DNHD1: variants seen among roughly 807,000 people sequenced by gnomAD.
DNHD1 encodes the protein dynein heavy chain domain-containing protein 1.
A neutral mutation model predicts 458.1 loss-of-function variants in DNHD1; 383 were observed. That is an observed-to-expected ratio of 0.84 (90% CI 0.77 to 0.91). The LOEUF is 0.91. DNHD1 is among the 40% of genes least tolerant of loss of function. The probability of loss-of-function intolerance (pLI) is 0.00; values close to 1 mark genes in which losing one functional copy is unlikely to be tolerated. For synonymous variants in DNHD1, 2,203 were observed against 2,376.9 expected (o/e 0.93, Z 2.13); for missense variants, 5,336 against 5,866.1 (o/e 0.91, Z 2.95).
At position 6,570,327 on chromosome 11, in the gene DNHD1, C is replaced by T; in HGVS notation, c.13036C>T (p.Pro4346Ser). ...TAGCCTCACACAAGCCTGCCTGAGC[C>T]CCAGTAGTGGGAGCTGGGTCCAGCC... ...LISLTQACLS[P>S]SSGSWVQPHT... The change falls in exon 41 of 43, where the codon CCC becomes TCC. Residue 4346 changes from proline (P) to serine (S), a missense_variant. Around this residue, in one of 4 missense-constraint regions of DNHD1, gnomAD observed 698 missense variants for 664.9 expected, o/e 1.05. Transcript: ENST00000254579. 1 of 1,613,076 alleles carries T rather than the reference C, an allele frequency of 6.2e-7. No homozygotes were observed. The highest frequency in any genetic ancestry group is 8.5e-7 in the Non-Finnish European group (1 of 1,179,544).
chr11:6,563,864 C>T lies in DNHD1; in HGVS notation c.10024C>T (p.Arg3342Trp), dbSNP rs769777880. The T allele has an allele frequency of 9.0e-6, 14 of 1,551,700 alleles. No homozygotes were observed. The East Asian group carries it at 1.7e-4, about 19-fold the overall frequency. ...AVLHYGLAHC[R>W]GLPTDLLLQQ... ...TCTGCACTATGGGCTGGCGCATTGC[C>T]GGGGACTGCCCACGGACCTGCTGCT... The change falls in exon 31 of 43, where the codon CGG becomes TGG. Residue 3342 changes from arginine to tryptophan, a missense_variant. By Grantham distance (101) the Arg-to-Trp change is moderately radical. This residue lies in a region of DNHD1 where 3,932 missense variants were observed against 4,365.6 expected (regional missense o/e 0.90). Transcript: ENST00000254579.
Position 6,571,306 on chromosome 11 carries a change from G to T in DNHD1, c.13794G>T (p.Gly4598=), listed in dbSNP as rs890278477. ...GCCGCCTGCTGCTGGCATTGCGTGG[G>T]GAAGCTGCCCTGGACCAGAATGTGC... ...HPRRLLLALR[G]EAALDQNVPS... The change falls in exon 42 of 43, where the codon GGG becomes GGT. Residue 4598 remains glycine, a synonymous_variant. Coordinates refer to ENST00000254579, the MANE Select transcript of DNHD1 (RefSeq NM_144666.3). This position sits in a 1 kb window ranked among gnomAD's most constrained non-coding sequence, Gnocchi z 5.0. 2.5e-6 allele frequency: 4 copies of T among 1,612,218 alleles called. No homozygotes were observed. The highest frequency in any genetic ancestry group is 3.4e-6 in the Non-Finnish European group (4 of 1,179,596).
In DNHD1 at chr11:6,548,132, T is replaced by TG; in HGVS notation, c.6906-76dup. 1.3e-6 allele frequency: 2 copies of TG among 1,543,952 alleles called. No individual in the cohort carries two copies. The highest frequency in any genetic ancestry group is 1.7e-4 in the Middle Eastern group (1 of 5,980). On this transcript the variant is annotated intron_variant, in intron 22 of 42. Coordinates refer to ENST00000254579, the MANE Select transcript of DNHD1 (RefSeq NM_144666.3). This position sits in a 1 kb window ranked among gnomAD's most constrained non-coding sequence, Gnocchi z 4.4. ...CCCACATGACATCACTGTTAGGGTA[T>TG]GGTGGAGTGTGTGAGTGTGTCATAA...
chr11:6,562,490 A>C (rs1853606068), intron 28 of DNHD1, among the ~76,000 whole-genome samples: 1 of 152,156 alleles, frequency 6.6e-6, no homozygotes, highest in South Asian at 2.1e-4. Context: ...TAGGGAGGGC[A>C]TTTAGAAGTG....
At chr11:6,549,021 T>C in intron 24 of DNHD1, 88 bp downstream of exon 24, 1 of 1,379,776 alleles carries the variant, frequency 7.2e-7, no homozygotes, top group Non-Finnish European at 9.9e-7. Context: ...CTCTCAAATA[T>C]ATGTCTGTAG....
chr11:6,514,513 C>T lies in DNHD1; in HGVS notation c.1392+3084C>T, dbSNP rs565332719. On this transcript the variant is annotated intron_variant, in intron 7 of 42. Coordinates refer to ENST00000254579, the MANE Select transcript of DNHD1 (RefSeq NM_144666.3). ...CTTTCCTTTCTCCCTCCTTCCCTCC[C>T]TTCTTTCCTCCCTTCCTCCCTTTTT... Among the ~76,000 whole-genome samples the T allele has an allele frequency of 9.3e-5, 14 of 150,284 alleles. No homozygotes were observed. In the South Asian group the frequency reaches 2.1e-3, roughly 23 times the overall value.
Position 6,566,929 on chromosome 11 carries a change from C to G in DNHD1, c.11420C>G (p.Pro3807Arg), listed in dbSNP as rs76457785. The change falls in exon 36 of 43, where the codon CCG becomes CGG. Residue 3807 changes from proline to arginine, a missense_variant. Pro to Arg is a moderately radical substitution (Grantham distance 103). This residue lies in a region of DNHD1 where 695 missense variants were observed against 804.2 expected (regional missense o/e 0.86). Coordinates refer to ENST00000254579, the MANE Select transcript of DNHD1 (RefSeq NM_144666.3). Reference protein sequence around the residue: ...RLLTMLLFQNPKRQKPAKFLR... With the variant: ...RLLTMLLFQNRKRQKPAKFLR... ...CTGACGATGCTGCTGTTCCAGAATCCGAAGCGTCAGAAGCCAGCCAAGTTT... is the reference window on the plus strand; with the variant it reads ...CTGACGATGCTGCTGTTCCAGAATCGGAAGCGTCAGAAGCCAGCCAAGTTT... 8 of 1,613,526 alleles carry G rather than the reference C, an allele frequency of 5.0e-6. No individual in the cohort carries two copies. The South Asian group carries it at 6.6e-5, about 13-fold the overall frequency.
In DNHD1 at chr11:6,501,075, T is replaced by G. The variant is rs371690013; in HGVS notation, c.747-1678T>G. On this transcript the variant is annotated intron_variant, in intron 3 of 42. Transcript: ENST00000254579. ...AAGGAGGAGGGAGCAGTCAGTAGTA[T>G]TACATGTTAAATGAGACAAGTAAGA... 6.8e-4 allele frequency among the ~76,000 whole-genome samples: 103 copies of G among 152,244 alleles called. 4 individuals are homozygous for G. The South Asian group carries it at 0.021, about 31-fold the overall frequency.
chr11:6,538,981 ACTTCC>A (rs1853030511), intron 16 of DNHD1, among the ~76,000 whole-genome samples, 171 bp downstream of exon 16: 1 of 152,108 alleles, frequency 6.6e-6, no homozygotes, highest in Admixed American at 6.5e-5. Flanking sequence ...AAAATTTTTA[ACTTCC>A]CTTACTACCT....
At chr11:6,534,548 A>G (rs1312869624) in intron 14 of DNHD1, among the ~76,000 whole-genome samples, 1 of 152,112 alleles carries the variant, frequency 6.6e-6, no homozygotes, top group Admixed American at 6.5e-5. Context: ...GCAGGCCCCG[A>G]ACAAGAGTAG....
rs1180248673 is a variant in DNHD1, at chr11:6,557,639, C to T, written c.8344C>T (p.Gln2782Ter). The T allele has an allele frequency of 6.4e-7, 1 of 1,551,746 alleles. No individual in the cohort carries two copies. The highest frequency in any genetic ancestry group is 1.2e-5 in the South Asian group (1 of 84,060). ...KGTRASNYRLQVRRSFKTWWQ... is the reference protein window; with the variant it reads ...KGTRASNYRL ...CACAAGGGCATCCAACTATAGGCTC[C>T]AGGTAAGGAGATCATTCAAGACTTG... Residue 2782 changes from glutamine (Q) to a stop codon, truncating the protein, a stop_gained, in exon 25 of 43, where the codon CAG becomes TAG. Coordinates refer to ENST00000254579, the MANE Select transcript of DNHD1 (RefSeq NM_144666.3). LOFTEE classifies it high-confidence loss of function.
rs1853635929 is a variant in DNHD1 at position 6,563,867 on chromosome 11, G to A, written c.10027G>A (p.Gly3343Arg). Residue 3343 changes from glycine (G) to arginine (R), a missense_variant, in exon 31 of 43, where the codon GGA becomes AGA. Coordinates refer to ENST00000254579, the MANE Select transcript of DNHD1 (RefSeq NM_144666.3). Reference protein sequence around the residue: ...VLHYGLAHCRGLPTDLLLQQV... With the variant: ...VLHYGLAHCRRLPTDLLLQQV... ...GCACTATGGGCTGGCGCATTGCCGGGGACTGCCCACGGACCTGCTGCTGCA... is the reference window on the plus strand; with the variant it reads ...GCACTATGGGCTGGCGCATTGCCGGAGACTGCCCACGGACCTGCTGCTGCA... The A allele has an allele frequency of 1.9e-6, 3 of 1,551,700 alleles. No homozygotes were observed. The highest frequency in any genetic ancestry group is 1.4e-5 in the African/African-American group (1 of 73,194).
chr11:6,567,079 G>A lies in DNHD1; in HGVS notation c.11570G>A (p.Gly3857Glu), dbSNP rs1374241412. Residue 3857 changes from glycine (G) to glutamate (E), a missense_variant, in exon 36 of 43, where the codon GGA becomes GAA. Coordinates refer to ENST00000254579, the MANE Select transcript of DNHD1 (RefSeq NM_144666.3). Reference protein sequence around the residue: ...WAPYRPVVWHGMAMVKALSQL... With the variant: ...WAPYRPVVWHEMAMVKALSQL... ...CCCTATCGACCTGTGGTTTGGCATG[G>A]AATGGCCATGGTAAAGGCCCTAAGC... The A allele has an allele frequency of 1.2e-6, 2 of 1,613,946 alleles. No homozygotes were observed. Among genetic ancestry groups the A allele is most frequent in the African/African-American group, 1.3e-5 (1 of 74,950 alleles).
At chr11:6,504,272 G>A (rs2134367596) in intron 4 of DNHD1, 1 of 152,218 alleles carries the variant, frequency 6.6e-6, no homozygotes, top group Non-Finnish European at 1.5e-5. Context: ...GTGATACTGG[G>A]GCTGAGATTC....
intron 32 of DNHD1, among the ~76,000 whole-genome samples, 199 bp from the exon 33 acceptor site, chr11:6,565,496 A>G (rs1207668206): frequency 6.6e-6 from 1 of 152,212 alleles, no homozygotes; most frequent in Non-Finnish European, 1.5e-5. Flanking sequence ...TTTAATCTTC[A>G]CAGTAACCCT....
In DNHD1 at chr11:6,540,071, T is replaced by G; in HGVS notation, c.3616T>G (p.Phe1206Val). 1.9e-6 allele frequency: 3 copies of G among 1,551,686 alleles called. No homozygotes were observed. The highest frequency in any genetic ancestry group is 2.6e-6 in the Non-Finnish European group (3 of 1,146,950). Residue 1206 changes from phenylalanine (F) to valine (V), a missense_variant, in exon 18 of 43, where the codon TTC (phenylalanine) becomes GTC (valine). Physicochemically the swap from Phe to Val is conservative, Grantham distance 50. Transcript: ENST00000254579. The stretch of plus-strand genomic sequence containing the variant: ...GGTAGTGGACAAAGATAGTGGCACC[T>G]TCATCCTCTCAGGTGAGACCCAGAC... ...WEVVDKDSGT[F>V]ILSDYSNLQD... is the part of the protein sequence containing the mutation.
chr11:6,544,820 A>C lies in DNHD1; in HGVS notation c.3881A>C (p.Gln1294Pro). The C allele has an allele frequency of 6.4e-7, 1 of 1,551,580 alleles. No individual in the cohort carries two copies. The highest frequency in any genetic ancestry group is 1.2e-5 in the South Asian group (1 of 84,056). ...TCTCGTTTCAAGGTCATGGATGACC[A>C]GTATCGAACCCTGATGCGCATCTCT... ...LNSRFKVMDD[Q>P]YRTLMRISVA... Residue 1294 changes from glutamine (Q) to proline (P), a missense_variant, in exon 21 of 43, where the codon CAG becomes CCG. Gln to Pro is a moderately conservative substitution (Grantham distance 76). This residue lies in a region of DNHD1 where 3,932 missense variants were observed against 4,365.6 expected (regional missense o/e 0.90). Coordinates refer to ENST00000254579, the MANE Select transcript of DNHD1 (RefSeq NM_144666.3).
Position 6,547,876 on chromosome 11 carries a change from T to C in DNHD1, c.6741T>C (p.Tyr2247=), listed in dbSNP as rs1853257907. 1 of 1,551,806 alleles carries C rather than the reference T, an allele frequency of 6.4e-7. No individual in the cohort carries two copies. The highest frequency in any genetic ancestry group is 2.4e-5 in the East Asian group (1 of 40,906). The part of the protein sequence containing the change: ...EKAPGPEDLS[Y]SDPVAQSFRS... Reference sequence around the variant, plus strand: ...CAACTTTCACAGAGGACCTCAGCTATAGTGATCCTGTGGCCCAAAGCTTCA... The same window carrying C: ...CAACTTTCACAGAGGACCTCAGCTACAGTGATCCTGTGGCCCAAAGCTTCA... Residue 2247 remains tyrosine (Y), a synonymous_variant, in exon 22 of 43, where the codon TAT becomes TAC. Coordinates refer to ENST00000254579, the MANE Select transcript of DNHD1 (RefSeq NM_144666.3).
Position 6,564,572 on chromosome 11 carries a change from C to T in DNHD1, c.10524C>T (p.Phe3508=), listed in dbSNP as rs1457981865. The T allele has an allele frequency of 6.4e-7, 1 of 1,551,730 alleles. No homozygotes were observed. Among genetic ancestry groups the T allele is most frequent in the South Asian group, 1.2e-5 (1 of 84,066 alleles). ...KNPLLATHSP[F]SILSLLSSES... is the part of the protein sequence containing the mutation. The stretch of plus-strand genomic sequence containing the variant: ...CCCTGCTGGCTACACACTCTCCCTT[C>T]AGTATTCTGTCCTTGCTGAGCTCTG... The change falls in exon 32 of 43, where the codon TTC becomes TTT. Residue 3508 remains phenylalanine (F), a synonymous_variant. Coordinates refer to ENST00000254579, the MANE Select transcript of DNHD1 (RefSeq NM_144666.3).
Sources: allele counts gnomAD v4.1 joint callset (sites outside exome capture counted in the v4.1 genomes callset), GRCh38; gene constraint gnomAD v4.1.1; regional missense constraint gnomAD v4.1.1; non-coding constraint Gnocchi (gnomAD v3.1); transcripts MANE v1.5; gene names NCBI Gene and HGNC (gene_info 2026-07-23, HGNC 2026-07-21).